The following CACNA1C variants were observed in gnomAD, a reference collection of about 807,000 sequenced individuals.
CACNA1C encodes the protein calcium voltage-gated channel subunit alpha1 C.
Under a neutral mutation model 229.0 loss-of-function variants are expected in CACNA1C, and 30 were observed. The observed-to-expected ratio is 0.13, with a 90% confidence interval of 0.10 to 0.18. The LOEUF is 0.18. CACNA1C is among the 10% of genes least tolerant of loss of function. The pLI is 1.00. For missense variants in CACNA1C, 1,658 were observed against 2,845.0 expected (o/e 0.58, Z 9.49); for synonymous variants, 1,114 against 1,132.5 (o/e 0.98, Z 0.33).
intron 3 of CACNA1C, among the ~76,000 whole-genome samples, chr12:2,314,046 C>T (rs1592503359): frequency 1.3e-5 from 2 of 152,286 alleles, no homozygotes; most frequent in African/African-American, 4.8e-5. Context: ...GCCCTTTCCT[C>T]TGTCTTATCC....
At chr12:2,390,960 G>A (rs1383770300) in intron 3 of CACNA1C, among the ~76,000 whole-genome samples, 1 of 152,224 alleles carries the variant, frequency 6.6e-6, no homozygotes, top group Non-Finnish European at 1.5e-5. Flanking sequence ...GGTCACCTCA[G>A]AGACTCTCCA....
intron 1 of CACNA1C, among the ~76,000 whole-genome samples, chr12:2,074,225 G>C (rs890118133): frequency 6.6e-6 from 1 of 152,112 alleles, no homozygotes; most frequent in African/African-American, 2.4e-5. Flanking sequence ...ATTCAGCTAG[G>C]TTGGTAAATC....
intron 29 of CACNA1C, among the ~76,000 whole-genome samples, chr12:2,621,149 A>C (rs765361261): frequency 1.3e-5 from 2 of 152,118 alleles, no homozygotes; most frequent in Non-Finnish European, 2.9e-5. Context: ...CTCAGTGATG[A>C]TGTTGAAGCA....
At chr12:2,663,241 G>T (rs1440721612) in intron 34 of CACNA1C, among the ~76,000 whole-genome samples, 1 of 152,156 alleles carries the variant, frequency 6.6e-6, no homozygotes, top group Admixed American at 6.5e-5. Context: ...CTAACAAAGG[G>T]TTAAGAATAG....
chr12:2,656,849 A>C (rs1431409688), intron 34 of CACNA1C, among the ~76,000 whole-genome samples: 1 of 152,256 alleles, frequency 6.6e-6, no homozygotes, highest in African/African-American at 2.4e-5. Context: ...CCTTGTTAAT[A>C]AATAGTGTTG....
At chr12:2,375,345 T>G (rs113774319) in intron 3 of CACNA1C, among the ~76,000 whole-genome samples, 84 of 152,262 alleles carry the variant, frequency 5.5e-4, no homozygotes, top group African/African-American at 2.0e-3. Context: ...TGATGCCCAG[T>G]GAATGATGCC....
rs573322893 is a variant in CACNA1C, at chr12:2,379,334, C to T, written c.478-69642C>T. Among the ~76,000 whole-genome samples the T allele has an allele frequency of 2.0e-4, 30 of 152,352 alleles. No individual in the cohort carries two copies. In the South Asian group the frequency reaches 2.1e-3, roughly 11 times the overall value. ...TAATAATCATGAACCCTTTATTTAG[C>T]TCCTTCAGCCTTTTAGAGAAATCTT... On this transcript the variant is annotated intron_variant, in intron 3 of 46. Coordinates refer to ENST00000399655, the MANE Select transcript of CACNA1C (RefSeq NM_000719.7).
At chr12:2,264,170 G>A (rs1309440561) in intron 3 of CACNA1C, among the ~76,000 whole-genome samples, 1 of 152,190 alleles carries the variant, frequency 6.6e-6, no homozygotes, top group Non-Finnish European at 1.5e-5. Context: ...GGTAGGGTGA[G>A]GACCCCGCTG....
intron 34 of CACNA1C, among the ~76,000 whole-genome samples, chr12:2,661,800 T>C (rs989727355): frequency 6.6e-6 from 1 of 152,116 alleles, no homozygotes; most frequent in African/African-American, 2.4e-5. Flanking sequence ...TTTAGGACAA[T>C]AGAATTAATA....
At position 2,403,373 on chromosome 12, in the gene CACNA1C, T is replaced by C. The variant is rs1042756171; in HGVS notation, c.478-45603T>C. Reference sequence around the variant, plus strand: ...CAAGGTGCGCTGCAGAGGGATGGCGTTGGAGGCAGGAGTGAGCGCGGAGCT... The same window carrying C: ...CAAGGTGCGCTGCAGAGGGATGGCGCTGGAGGCAGGAGTGAGCGCGGAGCT... On this transcript the variant is annotated intron_variant, in intron 3 of 46. Transcript: ENST00000399655. The surrounding 1 kb of genome is among the most constrained non-coding windows in gnomAD (Gnocchi z 4.1). 1.3e-5 allele frequency among the ~76,000 whole-genome samples: 2 copies of C among 152,008 alleles called. No individual in the cohort carries two copies. Among genetic ancestry groups the C allele is most frequent in the Non-Finnish European group, 2.9e-5 (2 of 68,004 alleles).
intron 34 of CACNA1C, among the ~76,000 whole-genome samples, chr12:2,664,213 G>A (rs1319460745): frequency 1.3e-5 from 2 of 152,142 alleles, no homozygotes; most frequent in Non-Finnish European, 2.9e-5. Flanking sequence ...CAAATTATAT[G>A]AGCAACATTT....
At chr12:2,076,481 C>T (rs1252470360) in intron 1 of CACNA1C, among the ~76,000 whole-genome samples, 1 of 152,046 alleles carries the variant, frequency 6.6e-6, no homozygotes, top group African/African-American at 2.4e-5. Flanking sequence ...CCCCTTCCTT[C>T]CCTCGCCTCA....
Position 2,691,444 on chromosome 12 carries a change from C to T in CACNA1C, c.*245C>T. ...CCCGGGGCGCGAGGAAGGCGCCTGC[C>T]CTCTCCCAGCTCGCAGGCCCCGGGC... On this transcript the variant is annotated 3_prime_UTR_variant, in exon 47 of 47. Coordinates refer to ENST00000399655, the MANE Select transcript of CACNA1C (RefSeq NM_000719.7). 2 of 396,874 alleles carry T rather than the reference C, an allele frequency of 5.0e-6. No homozygotes were observed. Among genetic ancestry groups the T allele is most frequent in the South Asian group, 1.1e-4 (1 of 9,010 alleles). The allele number at this position is 396,874 out of a possible 1,614,324, so 24.6% of individuals were successfully genotyped here.
At chr12:2,483,650 C>T (rs2099685650) in intron 5 of CACNA1C, among the ~76,000 whole-genome samples, 1 of 152,168 alleles carries the variant, frequency 6.6e-6, no homozygotes, top group Non-Finnish European at 1.5e-5. Context: ...GACTTGGTTA[C>T]TGAGTGGAAG....
At chr12:2,435,480 G>A (rs114189601) in intron 3 of CACNA1C, among the ~76,000 whole-genome samples, 2,707 of 152,298 alleles carry the variant, frequency 0.018, 88 homozygotes, top group African/African-American at 0.061. Context: ...CAGGCCGTCC[G>A]TGTTGAGGAT....
chr12:2,333,943 G>A (rs897010840), intron 3 of CACNA1C, among the ~76,000 whole-genome samples: 1 of 152,220 alleles, frequency 6.6e-6, no homozygotes, highest in African/African-American at 2.4e-5. Flanking sequence ...CCCGTCATTG[G>A]TGACTAGGTC....
chr12:2,528,969 C>G (rs957071811), intron 9 of CACNA1C, among the ~76,000 whole-genome samples: 1 of 152,182 alleles, frequency 6.6e-6, no homozygotes, highest in African/African-American at 2.4e-5. Flanking sequence ...CTAGCTTGAA[C>G]TGGACAAGAG....
rs117400939 is a variant in CACNA1C at position 2,480,685 on chromosome 12, C to A, written c.758-5419C>A. Among the ~76,000 whole-genome samples the A allele has an allele frequency of 2.6e-5, 4 of 152,310 alleles. No individual in the cohort carries two copies. The East Asian group carries it at 7.7e-4, about 29-fold the overall frequency. On this transcript the variant is annotated intron_variant, in intron 5 of 46. Coordinates refer to ENST00000399655, the MANE Select transcript of CACNA1C (RefSeq NM_000719.7). ...CTATGAGAAACTTGTACCCACCAACCCCCTAAACCCAAACTTCTCTTTTCC... is the reference window on the plus strand; with the variant it reads ...CTATGAGAAACTTGTACCCACCAACACCCTAAACCCAAACTTCTCTTTTCC...
At chr12:2,612,462 C>T (rs1234567033) in intron 29 of CACNA1C, 1 of 158,230 alleles carries the variant, frequency 6.3e-6, no homozygotes, top group East Asian at 1.8e-4. Context: ...AGACCAACCT[C>T]ATATAAAACA....
Sources: gnomAD v4.1 joint callset for allele counts (sites outside exome capture counted in the v4.1 genomes callset) on GRCh38, gnomAD v4.1.1 for gene constraint, Gnocchi (gnomAD v3.1) non-coding constraint, MANE v1.5 for transcripts, NCBI Gene and HGNC (gene_info 2026-07-23, HGNC 2026-07-21) for gene names.